C2CD3: variants seen among roughly 807,000 people sequenced by gnomAD.
The protein encoded by C2CD3 is C2 domain containing 3 centriole elongation regulator.
Under a neutral mutation model 234.0 loss-of-function variants are expected in C2CD3, and 148 were observed. That is an observed-to-expected ratio of 0.63 (90% confidence interval 0.55 to 0.72). The LOEUF (loss-of-function observed/expected upper bound fraction) is 0.72, where lower values mean the gene tolerates loss of function less well. Among genes scored for constraint, C2CD3 ranks in the 30% least tolerant of loss-of-function variants. The pLI is 0.00. For missense variants in C2CD3, 2,577 were observed against 2,811.5 expected (o/e 0.92, Z 1.89); for synonymous variants, 1,000 against 1,035.4 (o/e 0.97, Z 0.66).
Position 74,168,549 on chromosome 11 carries a change from A to G in C2CD3, c.120T>C (p.Phe40=). The change falls in exon 2 of 33, where the codon TTT becomes TTC. Residue 40 remains phenylalanine (F), a synonymous_variant. Coordinates refer to ENST00000334126, the MANE Select transcript of C2CD3 (RefSeq NM_001286577.2). ...PPLVEGQLRC[F]LKLTVNRVIW... is the part of the protein sequence containing the mutation. ...TGACTCTATTAACAGTAAGTTTTAG[A>G]AAACAGCGTAGCTGGCCTTCAACCA... 6.2e-7 allele frequency: 1 copy of G among 1,614,224 alleles called. No homozygotes were observed.
At chr11:74,107,322 T>TCTCACACACACACACACACACACACA (rs948551188) in intron 12 of C2CD3, among the ~76,000 whole-genome samples, 118 of 146,610 alleles carry the variant, frequency 8.0e-4, no homozygotes, top group African/African-American at 2.8e-3. Flanking sequence ...TGAAACTGTG[T>TCTCACACACACACACACACACACACA]CACACACACA....
At chr11:74,055,418 GT>G (rs1953908514) in intron 25 of C2CD3, among the ~76,000 whole-genome samples, 1 of 152,200 alleles carries the variant, frequency 6.6e-6, no homozygotes, top group African/African-American at 2.4e-5. Flanking sequence ...GTGTTGGAAA[GT>G]TCCAAACCAG....
chr11:74,114,508 C>A lies in C2CD3; in HGVS notation c.1606G>T (p.Gly536Cys), dbSNP rs1007224674. ...TLSVDRLALL[G>C]RTHSVRIIIE... The stretch of plus-strand genomic sequence containing the variant: ...ATGATTCTGACTGAATGTGTTCTAC[C>A]CAAAAGGGCCAGTCTATCCACACTT... The change falls in exon 10 of 33, where the codon GGT becomes TGT. Residue 536 changes from glycine to cysteine, a missense_variant. Transcript: ENST00000334126. 1.9e-6 allele frequency: 3 copies of A among 1,613,680 alleles called. No homozygotes were observed. The highest frequency in any genetic ancestry group is 2.5e-6 in the Non-Finnish European group (3 of 1,179,702).
rs746972506 is a variant in C2CD3 at position 74,098,100 on chromosome 11, T to C, written c.2888A>G (p.Gln963Arg). The change falls in exon 16 of 33, where the codon CAA becomes CGA. Residue 963 changes from glutamine to arginine, a missense_variant. Gln to Arg is a conservative substitution (Grantham distance 43). Transcript: ENST00000334126. ...TGTTCCTTCTTCATTCTTTAATCTT[T>C]GTAGTGCCATTATTTGATTTGAAGA... Reference protein sequence around the residue: ...MGSSNQIMALQRLKNEEGTLP... With the variant: ...MGSSNQIMALRRLKNEEGTLP... 47 of 1,613,964 alleles carry C rather than the reference T, an allele frequency of 2.9e-5. No individual in the cohort carries two copies. Among genetic ancestry groups the C allele is most frequent in the Non-Finnish European group, 3.9e-5 (46 of 1,179,976 alleles).
chr11:74,132,417 T>C (rs558709250), intron 7 of C2CD3, among the ~76,000 whole-genome samples: 5 of 152,344 alleles, frequency 3.3e-5, no homozygotes, highest in South Asian at 2.1e-4. Context: ...TACTCCTCTA[T>C]ATACATCATT....
At chr11:74,069,252 G>A (rs1349816109) in intron 24 of C2CD3, among the ~76,000 whole-genome samples, 4 of 152,202 alleles carry the variant, frequency 2.6e-5, no homozygotes, top group Non-Finnish European at 5.9e-5. Context: ...TGGGAGAGCA[G>A]GTCTATCAGG....
chr11:74,157,611 T>C (rs1856120123), intron 3 of C2CD3, among the ~76,000 whole-genome samples: 1 of 152,228 alleles, frequency 6.6e-6, no homozygotes, highest in Non-Finnish European at 1.5e-5. Context: ...AATAAATTCT[T>C]ACATTTGGTA....
chr11:74,103,002 T>C, intron 14 of C2CD3, 129 bp downstream of exon 14: 4 of 882,780 alleles, frequency 4.5e-6, no homozygotes, highest in South Asian at 1.8e-5. Context: ...GGACTGAATC[T>C]GTACACCAGA....
intron 26 of C2CD3, among the ~76,000 whole-genome samples, chr11:74,051,194 G>A (rs2135432011): frequency 6.7e-6 from 1 of 148,360 alleles, no homozygotes; most frequent in South Asian, 2.1e-4. Flanking sequence ...TACTTGGAAG[G>A]CTGAGGTGGG....
At chr11:74,031,957 G>T (rs766100034) in intron 31 of C2CD3, among the ~76,000 whole-genome samples, 1 of 152,152 alleles carries the variant, frequency 6.6e-6, no homozygotes, top group Non-Finnish European at 1.5e-5. Flanking sequence ...CCACCCCTAG[G>T]TTTTTCTCTG....
At chr11:74,117,866 T>C (rs1263379126) in intron 9 of C2CD3, among the ~76,000 whole-genome samples, 1 of 149,006 alleles carries the variant, frequency 6.7e-6, no homozygotes. Flanking sequence ...TGATCTGAGA[T>C]CGTGCCATTG....
intron 7 of C2CD3, among the ~76,000 whole-genome samples, chr11:74,127,140 C>T (rs1015170174): frequency 6.6e-6 from 1 of 152,152 alleles, no homozygotes; most frequent in Admixed American, 6.5e-5. Context: ...TCTGAGTAGG[C>T]AGGACCACAG....
At chr11:74,049,859 C>T (rs754699057) in intron 26 of C2CD3, among the ~76,000 whole-genome samples, 5 of 142,968 alleles carry the variant, frequency 3.5e-5, no homozygotes, top group Middle Eastern at 3.5e-3. Context: ...TAGTTCACTG[C>T]GGCCTCGAAC....
intron 2 of C2CD3, among the ~76,000 whole-genome samples, chr11:74,167,113 T>C (rs1856861086): frequency 2.0e-5 from 3 of 152,316 alleles, no homozygotes; most frequent in South Asian, 4.1e-4. Context: ...GGAAGAGACT[T>C]TCCTAAAATC....
At position 74,098,261 on chromosome 11, in the gene C2CD3, G is replaced by C. The variant is rs765640143; in HGVS notation, c.2733-6C>G. ...GGCGAGAAATCTTAGCATCTCTAGA[G>C]GGGGAGAAATTGTGAATAAGCAAAT... On this transcript the variant is annotated splice_region_variant and splice_polypyrimidine_tract_variant and intron_variant, in intron 15 of 32. Transcript: ENST00000334126. The C allele has an allele frequency of 1.1e-5, 18 of 1,612,020 alleles. No individual in the cohort carries two copies. Among genetic ancestry groups the C allele is most frequent in the East Asian group, 4.5e-5 (2 of 44,862 alleles).
chr11:74,082,735 G>A (rs1258966000), intron 22 of C2CD3, among the ~76,000 whole-genome samples: 3 of 151,972 alleles, frequency 2.0e-5, no homozygotes, highest in Non-Finnish European at 4.4e-5. Flanking sequence ...AACTTACAAG[G>A]GACATGAAGG....
chr11:74,136,027 G>A (rs1590908206), intron 5 of C2CD3, among the ~76,000 whole-genome samples: 1 of 151,972 alleles, frequency 6.6e-6, no homozygotes, highest in South Asian at 2.1e-4. Context: ...CTCAGTACCT[G>A]GGTGATAGGA....
intron 10 of C2CD3, 103 bp from the exon 11 acceptor site, chr11:74,113,995 G>C (rs1956842433): frequency 3.0e-6 from 2 of 675,126 alleles, no homozygotes; most frequent in African/African-American, 1.8e-5. Context: ...AGGACCTCTA[G>C]TACTCAGAGG....
In C2CD3 at chr11:74,049,551, G is replaced by C; in HGVS notation, c.5156-9C>G. 3 of 1,609,660 alleles carry C rather than the reference G, an allele frequency of 1.9e-6. No individual in the cohort carries two copies. The highest frequency in any genetic ancestry group is 1.1e-5 in the South Asian group (1 of 90,878). ...AATCACCCTCTCCTCATCTGTAGAG[G>C]AAAGAGAAGAGCTGGGCAATGTGGC... is the stretch of plus-strand genomic sequence containing the variant. On this transcript the variant is annotated splice_polypyrimidine_tract_variant and intron_variant, in intron 26 of 32. Transcript: ENST00000334126.
Sources: gnomAD v4.1 joint callset for allele counts (sites outside exome capture counted in the v4.1 genomes callset) on GRCh38, gnomAD v4.1.1 for gene constraint, MANE v1.5 for transcripts, NCBI Gene and HGNC (gene_info 2026-07-23, HGNC 2026-07-21) for gene names.